The following RPGRIP1 variants were observed in gnomAD, a reference collection of about 807,000 sequenced individuals.
The protein encoded by RPGRIP1 is RPGR interacting protein 1.
In RPGRIP1, 128 loss-of-function variants were observed where a neutral mutation model predicts 157.9. The observed-to-expected ratio is 0.81, with a 90% CI of 0.70 to 0.94. The LOEUF is 0.94. RPGRIP1 is among the 40% of genes least tolerant of loss of function. The pLI, the probability that RPGRIP1 is intolerant of heterozygous loss-of-function variation, is 0.00. For synonymous variants in RPGRIP1, 554 were observed against 571.6 expected (o/e 0.97, Z 0.44); for missense variants, 1,486 against 1,545.8 (o/e 0.96, Z 0.65).
intron 1 of RPGRIP1, among the ~76,000 whole-genome samples, chr14:21,285,002 T>C (rs1213702713): frequency 6.7e-6 from 1 of 150,248 alleles, no homozygotes; most frequent in Non-Finnish European, 1.5e-5. Flanking sequence ...ATTTGTTGAG[T>C]ACCTGCTATG....
chr14:21,280,928 T>A (rs1312118310), intron 1 of RPGRIP1, among the ~76,000 whole-genome samples: 1 of 152,178 alleles, frequency 6.6e-6, no homozygotes, highest in African/African-American at 2.4e-5. Context: ...TAATTTTTAA[T>A]TGACAATTTG....
rs757336787 is a variant in RPGRIP1 at position 21,321,377 on chromosome 14, A to G, written c.1586A>G (p.Gln529Arg). The G allele has an allele frequency of 5.0e-6, 8 of 1,612,070 alleles. No individual in the cohort carries two copies. The highest frequency in any genetic ancestry group is 1.6e-4 in the Middle Eastern group (1 of 6,076). ...AAGACCAGGGACATGCTTATTCTGC[A>G]GCGCAAAATCAACGTGTGTTATCAG... ...LEKTRDMLIL[Q>R]RKINVCYQEE... Residue 529 changes from glutamine (Q) to arginine (R), a missense_variant, in exon 13 of 25, where the codon CAG (glutamine) becomes CGG (arginine). Physicochemically the swap from Gln to Arg is conservative, Grantham distance 43 (BLOSUM62 1). Transcript: ENST00000400017.
chr14:21,304,641 T>C (rs1349459886), intron 6 of RPGRIP1, among the ~76,000 whole-genome samples: 2 of 152,066 alleles, frequency 1.3e-5, no homozygotes, highest in African/African-American at 4.8e-5. Context: ...GAAATAGAGT[T>C]CCTGTATACC....
chr14:21,325,333 G>T lies in RPGRIP1; in HGVS notation c.2317G>T (p.Val773Phe). 1 of 1,604,012 alleles carries T rather than the reference G, an allele frequency of 6.2e-7. No individual in the cohort carries two copies. The change falls in exon 16 of 25, where the codon GTC becomes TTC. Residue 773 changes from valine to phenylalanine, a missense_variant. By Grantham distance (50) the Val-to-Phe change is conservative. Coordinates refer to ENST00000400017, the MANE Select transcript of RPGRIP1 (RefSeq NM_020366.4). ...QACNKRKKAQ[V>F]YLSTDVLGGR... Reference sequence around the variant, plus strand: ...GTGCAATAAACGAAAGAAAGCCCAGGTCTACCTGTCAACCGATGTGCTTGG... The same window carrying T: ...GTGCAATAAACGAAAGAAAGCCCAGTTCTACCTGTCAACCGATGTGCTTGG...
At chr14:21,287,314 A>C (rs892424075) in intron 1 of RPGRIP1, among the ~76,000 whole-genome samples, 14 of 152,106 alleles carry the variant, frequency 9.2e-5, no homozygotes, top group Non-Finnish European at 1.5e-4. Flanking sequence ...CCAGGAAAAA[A>C]AGTGTTGGCC....
chr14:21,346,141 A>G (rs1440769934), intron 23 of RPGRIP1, among the ~76,000 whole-genome samples: 1 of 152,130 alleles, frequency 6.6e-6, no homozygotes, highest in African/African-American at 2.4e-5. Context: ...GACATAACTA[A>G]GTGAATTTTA....
chr14:21,319,405 C>T (rs1452451856), intron 11 of RPGRIP1, among the ~76,000 whole-genome samples: 1 of 152,030 alleles, frequency 6.6e-6, no homozygotes, highest in African/African-American at 2.4e-5. Flanking sequence ...TTACTAAAAA[C>T]ACGAAAATTA....
chr14:21,280,116 G>C lies in RPGRIP1; in HGVS notation c.-82G>C, dbSNP rs1880072588. 6.6e-6 allele frequency among the ~76,000 whole-genome samples: 1 copy of C among 152,110 alleles called. No homozygotes were observed. Among genetic ancestry groups the C allele is most frequent in the Non-Finnish European group, 1.5e-5 (1 of 68,022 alleles). On this transcript the variant is annotated 5_prime_UTR_variant, in exon 1 of 25. Coordinates refer to ENST00000400017, the MANE Select transcript of RPGRIP1 (RefSeq NM_020366.4). ...GAGTACTAAAGGACACCAGAACATT[G>C]AGAGAAAAGAATTAGCGACAGCTAT...
At chr14:21,334,970 C>G (rs564713125) in intron 21 of RPGRIP1, among the ~76,000 whole-genome samples, 1 of 144,458 alleles carries the variant, frequency 6.9e-6, no homozygotes, top group Non-Finnish European at 1.5e-5. Flanking sequence ...TGCTTGAACC[C>G]GGGAGGCAGA....
At chr14:21,291,948 CG>C (rs556665095) in intron 2 of RPGRIP1, among the ~76,000 whole-genome samples, 12 of 152,068 alleles carry the variant, frequency 7.9e-5, no homozygotes, top group African/African-American at 2.9e-4. Context: ...TTAGTAGAGA[CG>C]GGGTTTCACC....
chr14:21,321,918 A>G lies in RPGRIP1; in HGVS notation c.1676A>G (p.Glu559Gly), dbSNP rs991412682. 1 of 1,613,606 alleles carries G rather than the reference A, an allele frequency of 6.2e-7. No homozygotes were observed. The highest frequency in any genetic ancestry group is 8.5e-7 in the Non-Finnish European group (1 of 1,179,620). ...NDNRDHKEKL[E>G]RLTRLLDLKN... ...AATAGAGATCACAAAGAAAAGCTGG[A>G]GAGGTTGACTCGACTACTAGACCTC... Residue 559 changes from glutamate to glycine, a missense_variant, in exon 14 of 25, where the codon GAG becomes GGG. Physicochemically the swap from Glu to Gly is moderately conservative, Grantham distance 98. Transcript: ENST00000400017.
At chr14:21,333,778 C>T (rs1884031608) in intron 20 of RPGRIP1, among the ~76,000 whole-genome samples, 1 of 152,100 alleles carries the variant, frequency 6.6e-6, no homozygotes, top group African/African-American at 2.4e-5. Flanking sequence ...ATCACTCCTA[C>T]CGTACTCTTT....
chr14:21,329,219 T>G (rs1883454104), intron 19 of RPGRIP1, among the ~76,000 whole-genome samples: 1 of 151,292 alleles, frequency 6.6e-6, no homozygotes, highest in Non-Finnish European at 1.5e-5. Context: ...GTCGGGAGGC[T>G]GAGGTAGGAG....
chr14:21,345,170 T>G lies in RPGRIP1; in HGVS notation c.3590T>G (p.Leu1197Arg), dbSNP rs1423955888. The stretch of plus-strand genomic sequence containing the variant: ...CGAAGGCGGTTTCTGTTCGACATGC[T>G]GAATGGACAAGATCCTGATCAAGGA... ...QGRRRFLFDMLNGQDPDQGHL... is the reference protein window; with the variant it reads ...QGRRRFLFDMRNGQDPDQGHL... Residue 1197 changes from leucine to arginine, a missense_variant, in exon 23 of 25, where the codon CTG becomes CGG. By Grantham distance (102) the Leu-to-Arg change is moderately radical. Coordinates refer to ENST00000400017, the MANE Select transcript of RPGRIP1 (RefSeq NM_020366.4). The G allele has an allele frequency of 9.9e-6, 16 of 1,613,280 alleles. No individual in the cohort carries two copies. Among genetic ancestry groups the G allele is most frequent in the African/African-American group, 1.3e-5 (1 of 75,030 alleles).
chr14:21,340,112 G>A, intron 21 of RPGRIP1, among the ~76,000 whole-genome samples: 1 of 152,164 alleles, frequency 6.6e-6, no homozygotes, highest in Non-Finnish European at 1.5e-5. Flanking sequence ...TCAGGCAAAG[G>A]AATTGGTAAG....
rs530167700 is a variant in RPGRIP1, at chr14:21,350,757, T to A, written c.3749-347T>A. 2.6e-5 allele frequency among the ~76,000 whole-genome samples: 4 copies of A among 152,298 alleles called. 1 individual carries two copies. The highest frequency in any genetic ancestry group is 9.6e-5 in the African/African-American group (4 of 41,564). Reference sequence around the variant, plus strand: ...TTATCTTTGTGGGCTATTTTCCAACTCACTCCTATCCCCATTCCTAAACAT... The same window carrying A: ...TTATCTTTGTGGGCTATTTTCCAACACACTCCTATCCCCATTCCTAAACAT... On this transcript the variant is annotated intron_variant, in intron 24 of 24. Coordinates refer to ENST00000400017, the MANE Select transcript of RPGRIP1 (RefSeq NM_020366.4).
intron 10 of RPGRIP1, among the ~76,000 whole-genome samples, chr14:21,313,658 C>T (rs909844003): frequency 1.3e-5 from 2 of 151,844 alleles, no homozygotes; most frequent in East Asian, 1.9e-4. Flanking sequence ...CACAGTAGCG[C>T]GCACTTGTAA....
chr14:21,334,525 T>C (rs2139287748), intron 20 of RPGRIP1, 80 bp from the exon 21 acceptor site: 2 of 914,598 alleles, frequency 2.2e-6, no homozygotes, highest in South Asian at 2.8e-5. Context: ...AGACAGTGGA[T>C]TGGAGATGTG....
Position 21,302,564 on chromosome 14 carries a change from A to G in RPGRIP1, c.567A>G (p.Val189=). 5 of 1,578,866 alleles carry G rather than the reference A, an allele frequency of 3.2e-6. No homozygotes were observed. The highest frequency in any genetic ancestry group is 4.3e-6 in the Non-Finnish European group (5 of 1,160,528). ...CGACAAATGAAAACAGAGGTGAAGT[A>G]GCCAGTAAACCCAGTGAACTGTGAG... ...EHATNENRGE[V]ASKPSELVSG... is the part of the protein sequence containing the mutation. Residue 189 remains valine, a synonymous_variant, in exon 5 of 25, where the codon GTA becomes GTG. Transcript: ENST00000400017.
Sources: gnomAD v4.1 joint callset for allele counts (sites outside exome capture counted in the v4.1 genomes callset) on GRCh38, gnomAD v4.1.1 for gene constraint, MANE v1.5 for transcripts, NCBI Gene and HGNC (gene_info 2026-07-23, HGNC 2026-07-21) for gene names.